Variants in NSD1 observed in about 807,000 individuals in gnomAD.
NSD1 encodes nuclear receptor binding SET domain protein 1, also known as histone-lysine N-methyltransferase, H3 lysine-36 specific.
A neutral mutation model predicts 242.7 loss-of-function variants in NSD1; 26 were observed. That is an observed-to-expected ratio of 0.11 (90% confidence interval 0.08 to 0.15). NSD1 has a LOEUF of 0.15. Ranked by LOEUF, NSD1 falls within the 10% of genes least tolerant of loss-of-function variation. The pLI is 1.00. For missense variants in NSD1, 2,495 were observed against 3,272.8 expected, an observed-to-expected ratio of 0.76 and a Z score of 5.80; for synonymous variants, 1,106 against 1,178.1, an observed-to-expected ratio of 0.94 and a Z score of 1.25.
At chr5:177,147,120 G>C (rs930170397) in intron 2 of NSD1, among the ~76,000 whole-genome samples, 1 of 151,638 alleles carries the variant, frequency 6.6e-6, no homozygotes, top group Non-Finnish European at 1.5e-5. Context: ...TCTCTTTTTC[G>C]TATGTGACAG....
At chr5:177,239,644 C>T (rs535300813) in intron 7 of NSD1, 112 bp from the exon 8 acceptor site, 100 of 666,736 alleles carry the variant, frequency 1.5e-4, no homozygotes, top group South Asian at 1.4e-3. Flanking sequence ...CATAAGATGA[C>T]GGGGAAAACA....
intron 20 of NSD1, among the ~76,000 whole-genome samples, chr5:177,286,622 C>T (rs904912998): frequency 6.6e-6 from 1 of 152,176 alleles, no homozygotes; most frequent in East Asian, 1.9e-4. Context: ...ATTCTTTTCT[C>T]CCTTTTTCTC....
chr5:177,195,048 A>G (rs1319419392), intron 3 of NSD1, among the ~76,000 whole-genome samples: 1 of 152,080 alleles, frequency 6.6e-6, no homozygotes, highest in African/African-American at 2.4e-5. Context: ...AATCCCAGCT[A>G]CTGGGGAGGC....
At chr5:177,262,118 C>T (rs1342054479) in intron 14 of NSD1, among the ~76,000 whole-genome samples, 3 of 152,162 alleles carry the variant, frequency 2.0e-5, no homozygotes, top group Non-Finnish European at 4.4e-5. Context: ...AAAGCCCTTG[C>T]ACAGTGAGAA....
intron 11 of NSD1, among the ~76,000 whole-genome samples, chr5:177,250,522 C>T (rs1181305756): frequency 4.7e-5 from 7 of 149,894 alleles, no homozygotes; most frequent in South Asian, 2.1e-4. Flanking sequence ...TTCTAATTCA[C>T]GTTGTAATTA....
Position 177,211,978 on chromosome 5 carries a change from T to C in NSD1, c.3579T>C (p.Ser1193=). The change falls in exon 5 of 23, where the codon AGT becomes AGC. Residue 1193 remains serine, a synonymous_variant. Transcript: ENST00000439151. ...SECAFRVLLP[S]DPVQEGRDEF... is the part of the protein sequence containing the mutation. ...GTGCCTTTAGGGTCTTACTTCCTAG[T>C]GACCCTGTGCAGGAGGGGCGGGATG... The C allele has an allele frequency of 6.2e-7, 1 of 1,612,302 alleles. No homozygotes were observed. Among genetic ancestry groups the C allele is most frequent in the Non-Finnish European group, 8.5e-7 (1 of 1,178,626 alleles).
intron 1 of NSD1, 40 bp from the exon 2 acceptor site, chr5:177,135,047 C>T (rs1756198201): frequency 3.2e-6 from 5 of 1,547,186 alleles, no homozygotes; most frequent in South Asian, 1.1e-5. Flanking sequence ...AGTCAGATGG[C>T]CTATTAACTC....
At chr5:177,234,452 A>G (rs1447791721) in intron 5 of NSD1, among the ~76,000 whole-genome samples, 3 of 152,202 alleles carry the variant, frequency 2.0e-5, no homozygotes, top group Non-Finnish European at 2.9e-5. Flanking sequence ...CAGTGTCTCG[A>G]GAGCCTGTAA....
At chr5:177,199,964 C>T (rs1430153190) in intron 3 of NSD1, among the ~76,000 whole-genome samples, 1 of 152,140 alleles carries the variant, frequency 6.6e-6, no homozygotes, top group Non-Finnish European at 1.5e-5. Context: ...AATTTTTCCA[C>T]AAATCTGTTG....
At chr5:177,235,745 A>G in intron 5 of NSD1, 76 bp from the exon 6 acceptor site, 1 of 1,595,306 alleles carries the variant, frequency 6.3e-7, no homozygotes, top group Non-Finnish European at 8.6e-7. Flanking sequence ...TTTTGGGAGT[A>G]TCAGATGGTC....
chr5:177,149,595 A>C (rs924569581), intron 2 of NSD1, among the ~76,000 whole-genome samples: 1 of 152,100 alleles, frequency 6.6e-6, no homozygotes, highest in Admixed American at 6.6e-5. Flanking sequence ...CCTGGGAAAC[A>C]GTTTTTCCAC....
At chr5:177,249,301 CCT>C (rs1175356511) in intron 11 of NSD1, among the ~76,000 whole-genome samples, 1 of 151,978 alleles carries the variant, frequency 6.6e-6, no homozygotes, top group African/African-American at 2.4e-5. Flanking sequence ...CAGCGAGACC[CCT>C]GTCTCTATTT....
At chr5:177,204,044 A>G (rs1762699303) in intron 3 of NSD1, 76 bp from the exon 4 acceptor site, 12 of 1,372,602 alleles carry the variant, frequency 8.7e-6, no homozygotes, top group Non-Finnish European at 1.1e-5. Context: ...TTTGGCGGCA[A>G]TGATGTGGCT....
At chr5:177,160,242 T>C (rs1161113291) in intron 2 of NSD1, among the ~76,000 whole-genome samples, 1 of 152,174 alleles carries the variant, frequency 6.6e-6, no homozygotes, top group African/African-American at 2.4e-5. Context: ...ATCAGGGTAA[T>C]ACTGTCTTCA....
Position 177,210,291 on chromosome 5 carries a change from A to C in NSD1, c.1892A>C (p.Lys631Thr). The change falls in exon 5 of 23, where the codon AAG becomes ACG. Residue 631 changes from lysine (K) to threonine (T), a missense_variant. This residue lies in a region of NSD1 where 515 missense variants were observed against 467.0 expected (regional missense o/e 1.10). Transcript: ENST00000439151. Reference protein sequence around the residue: ...LCYIGAGDEEKRSDSISICTT... With the variant: ...LCYIGAGDEETRSDSISICTT... The stretch of plus-strand genomic sequence containing the variant: ...TATATTGGAGCAGGTGATGAGGAAA[A>C]GCGAAGTGATTCCATTAGTATCTGT... 6.2e-7 allele frequency: 1 copy of C among 1,610,672 alleles called. No individual in the cohort carries two copies. The highest frequency in any genetic ancestry group is 8.5e-7 in the Non-Finnish European group (1 of 1,178,014).
chr5:177,212,307 G>A (rs1413696720), intron 5 of NSD1, 112 bp downstream of exon 5: 28 of 1,000,250 alleles, frequency 2.8e-5, no homozygotes, highest in Non-Finnish European at 4.2e-5. Context: ...AACTAGCGGG[G>A]AAGAATCATC....
chr5:177,214,203 G>T (rs938221026), intron 5 of NSD1, among the ~76,000 whole-genome samples: 1 of 151,994 alleles, frequency 6.6e-6, no homozygotes, highest in African/African-American at 2.4e-5. Context: ...ATGGTGGCGC[G>T]CTCCTGTAAT....
chr5:177,188,245 C>T (rs981039503), intron 2 of NSD1, among the ~76,000 whole-genome samples: 6 of 152,108 alleles, frequency 3.9e-5, no homozygotes, highest in Non-Finnish European at 7.4e-5. Context: ...GTCTTAAAGT[C>T]GTCTTGCTTT....
intron 8 of NSD1, among the ~76,000 whole-genome samples, chr5:177,240,824 A>G (rs1480552077): frequency 6.6e-6 from 1 of 151,610 alleles, no homozygotes; most frequent in African/African-American, 2.4e-5. Flanking sequence ...CTGGGCAATA[A>G]AGGAGACCTT....
Sources: allele counts gnomAD v4.1 joint callset (sites outside exome capture counted in the v4.1 genomes callset), GRCh38; gene constraint gnomAD v4.1.1; regional missense constraint gnomAD v4.1.1; transcripts MANE v1.5; gene names NCBI Gene and HGNC (gene_info 2026-07-23, HGNC 2026-07-21).